VPS9D1: variants seen among roughly 807,000 people sequenced by gnomAD.
VPS9D1 encodes the protein VPS9 domain containing 1.
In VPS9D1, 78 loss-of-function variants were observed where a neutral mutation model predicts 75.8. That is an observed-to-expected ratio of 1.03 (90% CI 0.86 to 1.24). The LOEUF (loss-of-function observed/expected upper bound fraction) is 1.24. Among genes scored for constraint, VPS9D1 ranks in the 50% most tolerant of loss-of-function variants. The probability of loss-of-function intolerance (pLI) is 0.00; values close to 1 mark genes in which losing one functional copy is unlikely to be tolerated. For synonymous variants in VPS9D1, 481 were observed against 385.6 expected (o/e 1.25, Z -2.90); for missense variants, 1,057 against 847.7 (o/e 1.25, Z -3.07).
At position 89,708,954 on chromosome 16, in the gene VPS9D1, G is replaced by T; in HGVS notation, c.1600C>A (p.Arg534=). ...CPQKKLECIV[R]TLRIICVCAE... ...CAGACACAGATGATCCGCAGGGTCC[G>T]CACTGCGCCCCAGACAGGGTTTCAG... Residue 534 remains arginine, a splice_region_variant and synonymous_variant, in exon 13 of 15, where the codon CGG becomes AGG. Coordinates refer to ENST00000389386, the MANE Select transcript of VPS9D1 (RefSeq NM_004913.3). 6.3e-7 allele frequency: 1 copy of T among 1,598,520 alleles called. No homozygotes were observed. Among genetic ancestry groups the T allele is most frequent in the South Asian group, 1.1e-5 (1 of 88,762 alleles).
In VPS9D1 at chr16:89,720,883, C is replaced by T; in HGVS notation, c.-22G>A. 3 of 1,338,376 alleles carry T rather than the reference C, an allele frequency of 2.2e-6. No individual in the cohort carries two copies. Among genetic ancestry groups the T allele is most frequent in the Non-Finnish European group, 1.9e-6 (2 of 1,042,754 alleles). The allele number at this position is 1,338,376 out of a possible 1,614,324, so 82.9% of individuals were successfully genotyped here. Reference sequence around the variant, plus strand: ...CCATGGCGCCGAGCGGGGGAGGCGGCGGCGGTAGCCGAGGGGCTGGACGGG... The same window carrying T: ...CCATGGCGCCGAGCGGGGGAGGCGGTGGCGGTAGCCGAGGGGCTGGACGGG... On this transcript the variant is annotated 5_prime_UTR_variant, in exon 1 of 15. Coordinates refer to ENST00000389386, the MANE Select transcript of VPS9D1 (RefSeq NM_004913.3).
At position 89,716,538 on chromosome 16, in the gene VPS9D1, C is replaced by T; in HGVS notation, c.355G>A (p.Gly119Arg). ...GGCAGAAAAGGAGAGAGCTTTCCTC[C>T]TTCATCGGAGTATACACGGCGGTGT... ...GRHRRVYSDE[G>R]GKLSPFLPPE... Residue 119 changes from glycine (G) to arginine (R), a missense_variant, in exon 4 of 15, where the codon GGA (glycine) becomes AGA (arginine). Physicochemically the swap from Gly to Arg is moderately radical, Grantham distance 125 (BLOSUM62 -2). Transcript: ENST00000389386. The T allele has an allele frequency of 1.2e-6, 2 of 1,614,128 alleles. No homozygotes were observed. Among genetic ancestry groups the T allele is most frequent in the Non-Finnish European group, 1.7e-6 (2 of 1,180,018 alleles).
At chr16:89,716,897 C>T (rs766151080) in intron 2 of VPS9D1, 75 bp from the exon 3 acceptor site, 244 of 1,399,720 alleles carry the variant, frequency 1.7e-4, no homozygotes, top group Middle Eastern at 2.5e-4. Context: ...AATGAGGCAA[C>T]GGAAAAGGCA....
intron 8 of VPS9D1, 42 bp from the exon 9 acceptor site, chr16:89,711,454 C>T: frequency 6.5e-7 from 1 of 1,548,908 alleles, no homozygotes; most frequent in Non-Finnish European, 8.8e-7. Context: ...GGTGGGTCCG[C>T]CACGACCGGA....
intron 2 of VPS9D1, chr16:89,717,771 G>C (rs567111658): frequency 2.4e-5 from 11 of 456,564 alleles, no homozygotes; most frequent in Non-Finnish European, 4.0e-5. Context: ...ATCTTGGAGC[G>C]CCAGAGCTCA....
intron 1 of VPS9D1, 102 bp downstream of exon 1, chr16:89,720,661 C>T (rs1296186396): frequency 4.8e-6 from 6 of 1,241,432 alleles, no homozygotes; most frequent in East Asian, 3.4e-5. Context: ...GCGCCCGCTC[C>T]CAAGTCTCCA....
chr16:89,716,424 T>C (rs904001279), intron 4 of VPS9D1, 38 bp downstream of exon 4: 9 of 1,611,648 alleles, frequency 5.6e-6, no homozygotes, highest in African/African-American at 1.3e-5. Context: ...AAAAACCCAA[T>C]CCCAGGCTCA....
At position 89,710,968 on chromosome 16, in the gene VPS9D1, C is replaced by G. The variant is rs2060903030; in HGVS notation, c.876G>C (p.Gln292His). 6.9e-7 allele frequency: 1 copy of G among 1,446,224 alleles called. No homozygotes were observed. Among genetic ancestry groups the G allele is most frequent in the Non-Finnish European group, 9.1e-7 (1 of 1,104,310 alleles). The allele number at this position is 1,446,224 out of a possible 1,614,324, so 89.6% of individuals were successfully genotyped here. Residue 292 changes from glutamine to histidine, a missense_variant, in exon 10 of 15, where the codon CAG becomes CAC. Gln to His is a conservative substitution (Grantham distance 24). Transcript: ENST00000389386. ...GATACAGGGCGCTGTACACGGAGCA[C>G]TGCAGCCGCCTCAGGAGCTGCGCGA... ...HPIAQLLRRLQCSVYSALYPA... is the reference protein window; with the variant it reads ...HPIAQLLRRLHCSVYSALYPA...
rs2060838688 is a variant in VPS9D1 at position 89,708,440 on chromosome 16, ACTC to A, written c.1786_1788del (p.Glu596del). On this transcript the variant is annotated inframe_deletion, in exon 14 of 15. Transcript: ENST00000389386. ...GCCAGGGTCTACCCCTCGTGGATGA[ACTC>A]CTCCAGGGCCGCGCACTCCGACACC... The A allele has an allele frequency of 6.2e-7, 1 of 1,611,926 alleles. No individual in the cohort carries two copies. Among genetic ancestry groups the A allele is most frequent in the Non-Finnish European group, 8.5e-7 (1 of 1,179,568 alleles).
intron 6 of VPS9D1, 129 bp from the exon 7 acceptor site, chr16:89,712,228 G>A: frequency 7.1e-7 from 1 of 1,413,728 alleles, no homozygotes. Context: ...CCCAGGTAAG[G>A]CTTCTGGGGC....
Position 89,710,830 on chromosome 16 carries a change from G to A in VPS9D1, c.1014C>T (p.Pro338=), listed in dbSNP as rs1220059871. 1.3e-6 allele frequency: 2 copies of A among 1,530,302 alleles called. No homozygotes were observed. Among genetic ancestry groups the A allele is most frequent in the African/African-American group, 2.7e-5 (2 of 72,836 alleles). The allele number at this position is 1,530,302 out of a possible 1,614,324, so 94.8% of individuals were successfully genotyped here. A position where few individuals can be genotyped will look rare whatever the true frequency, so the allele number is the denominator to read the frequency against. The change falls in exon 10 of 15, where the codon CCC becomes CCT. Residue 338 remains proline (P), a synonymous_variant. Coordinates refer to ENST00000389386, the MANE Select transcript of VPS9D1 (RefSeq NM_004913.3). The part of the protein sequence containing the change: ...SQSLHCMLSP[P]EPSAAPRPQD... ...GGGGCCGCGGGGCTGCGCTGGGCTC[G>A]GGCGGGGACAGCATGCAATGGAGGC...
rs754761910 is a variant in VPS9D1, at chr16:89,708,946, C to A, written c.1608G>T (p.Leu536=). The stretch of plus-strand genomic sequence containing the variant: ...CTTCCGCACAGACACAGATGATCCG[C>A]AGGGTCCGCACTGCGCCCCAGACAG... The part of the protein sequence containing the change: ...QKKLECIVRT[L]RIICVCAEDY... Residue 536 remains leucine (L), a synonymous_variant, in exon 13 of 15, where the codon CTG becomes CTT. Coordinates refer to ENST00000389386, the MANE Select transcript of VPS9D1 (RefSeq NM_004913.3). 1.2e-6 allele frequency: 2 copies of A among 1,602,526 alleles called. No individual in the cohort carries two copies. Among genetic ancestry groups the A allele is most frequent in the African/African-American group, 1.3e-5 (1 of 74,686 alleles).
At position 89,710,887 on chromosome 16, in the gene VPS9D1, G is replaced by T; in HGVS notation, c.957C>A (p.Asn319Lys). 2.7e-6 allele frequency: 4 copies of T among 1,498,516 alleles called. No homozygotes were observed. The highest frequency in any genetic ancestry group is 3.5e-6 in the Non-Finnish European group (4 of 1,127,904). The allele number at this position is 1,498,516 out of a possible 1,614,324, so 92.8% of individuals were successfully genotyped here. The stretch of plus-strand genomic sequence containing the variant: ...AGGGCCGCAGCCGTCGGCTTCCGGG[G>T]TTGGGGGTCGGGGGGCAGCAGCCTG... ...PAPGCCPPTP[N>K]PGSRRLRPSQ... The change falls in exon 10 of 15, where the codon AAC becomes AAA. Residue 319 changes from asparagine to lysine, a missense_variant. Coordinates refer to ENST00000389386, the MANE Select transcript of VPS9D1 (RefSeq NM_004913.3).
intron 6 of VPS9D1, 170 bp from the exon 7 acceptor site, chr16:89,712,269 C>A: frequency 7.6e-7 from 1 of 1,324,004 alleles, no homozygotes; most frequent in Non-Finnish European, 1.0e-6. Flanking sequence ...GCCAGGAGGG[C>A]CGGGCCAGAG....
At chr16:89,720,740 G>A (rs962635375) in intron 1 of VPS9D1, 23 bp downstream of exon 1, 89 of 1,429,922 alleles carry the variant, frequency 6.2e-5, no homozygotes, top group Non-Finnish European at 7.7e-5. Flanking sequence ...CAGCGGCCAA[G>A]CCCCGCCCCC....
At position 89,711,495 on chromosome 16, in the gene VPS9D1, T is replaced by G. The variant is rs2060919452; in HGVS notation, c.748-83A>C. On this transcript the variant is annotated intron_variant, in intron 8 of 14. Transcript: ENST00000389386. ...CTCATCTCCCACCAGTGCCGACCCC[T>G]AGAGACTGTGGGAGCCCGTCCTGGG... is the stretch of plus-strand genomic sequence containing the variant. The G allele has an allele frequency of 2.2e-6, 3 of 1,347,858 alleles. No homozygotes were observed. The African/African-American group carries it at 4.4e-5, about 20-fold the overall frequency. The allele number at this position is 1,347,858 out of a possible 1,614,324, so 83.5% of individuals were successfully genotyped here.
At chr16:89,712,124 G>A (rs1445779532) in intron 6 of VPS9D1, 25 bp from the exon 7 acceptor site, 6 of 1,548,100 alleles carry the variant, frequency 3.9e-6, no homozygotes, top group Non-Finnish European at 5.2e-6. Context: ...AAGGGGCCGA[G>A]CGTGGGATCT....
At chr16:89,709,156 G>A (rs1201260477) in intron 12 of VPS9D1, 71 bp downstream of exon 12, 1 of 1,596,218 alleles carries the variant, frequency 6.3e-7, no homozygotes, top group African/African-American at 1.3e-5. Context: ...GCTCAGTGGT[G>A]AAGACACAGG....
At chr16:89,715,448 G>A (rs932980592) in intron 4 of VPS9D1, among the ~76,000 whole-genome samples, 2 of 151,084 alleles carry the variant, frequency 1.3e-5, no homozygotes, top group South Asian at 2.1e-4. Flanking sequence ...GGATGGTCTC[G>A]ATCTCCTGAC....
Sources: gnomAD v4.1 joint callset for allele counts (sites outside exome capture counted in the v4.1 genomes callset) on GRCh38, gnomAD v4.1.1 for gene constraint, MANE v1.5 for transcripts, NCBI Gene and HGNC (gene_info 2026-07-23, HGNC 2026-07-21) for gene names.